Variants in KHDC4 observed in about 807,000 individuals in gnomAD.
KHDC4 encodes the protein KH domain containing 4, pre-mRNA splicing factor.
A neutral mutation model predicts 74.5 loss-of-function variants in KHDC4; 19 were observed. The ratio of observed to expected loss-of-function variants is 0.26; its 90% CI spans 0.18 to 0.37. The LOEUF (loss-of-function observed/expected upper bound fraction) is 0.37. KHDC4 is among the 10% of genes least tolerant of loss of function. KHDC4 has a pLI of 1.00. For missense variants in KHDC4, 632 were observed against 754.1 expected, an observed-to-expected ratio of 0.84 and a Z score of 1.90; for synonymous variants, 253 against 266.1, an observed-to-expected ratio of 0.95 and a Z score of 0.48.
chr1:155,925,752 G>A lies in KHDC4; in HGVS notation c.773C>T (p.Ser258Phe), dbSNP rs760854922. 6.2e-7 allele frequency: 1 copy of A among 1,614,140 alleles called. No homozygotes were observed. The highest frequency in any genetic ancestry group is 1.1e-5 in the South Asian group (1 of 91,082). The part of the protein sequence containing the change: ...VKEKVEGPGC[S>F]YLQHIQIETG... ...TTCAATCTGAATGTGCTGCAAATAG[G>A]AGCAGCCTGGACCTTCCACCTTCTC... Residue 258 changes from serine to phenylalanine, a missense_variant, in exon 7 of 14, where the codon TCC (serine) becomes TTC (phenylalanine). Ser to Phe is a radical substitution (Grantham distance 155). This residue lies in a region of KHDC4 where 233 missense variants were observed against 342.6 expected (regional missense o/e 0.68). Coordinates refer to ENST00000368321, the MANE Select transcript of KHDC4 (RefSeq NM_014949.4).
At chr1:155,919,728 G>A (rs1053315593) in intron 10 of KHDC4, among the ~76,000 whole-genome samples, 9 of 151,946 alleles carry the variant, frequency 5.9e-5, no homozygotes, top group African/African-American at 1.7e-4. Context: ...GGAGAATCGC[G>A]TGAACCTGGG....
intron 8 of KHDC4, 38 bp downstream of exon 8, chr1:155,923,589 T>C (rs757686837): frequency 3.5e-5 from 53 of 1,494,822 alleles, no homozygotes; most frequent in East Asian, 2.3e-4. Context: ...AAAATGGCAA[T>C]TGCTCTTCTG....
intron 2 of KHDC4, among the ~76,000 whole-genome samples, chr1:155,930,639 T>C (rs981435318): frequency 7.9e-5 from 12 of 152,196 alleles, no homozygotes; most frequent in African/African-American, 2.2e-4. Context: ...GTGCCACTCC[T>C]ATAATCCTAA....
chr1:155,933,917 C>G (rs1221017934), intron 1 of KHDC4, 68 bp from the exon 2 acceptor site: 2 of 1,233,868 alleles, frequency 1.6e-6, no homozygotes, highest in Non-Finnish European at 2.2e-6. Flanking sequence ...CCTTACTACG[C>G]CTTAGCACCC....
chr1:155,927,819 AAAAAAAAAAAAAC>A (rs1674040554), intron 4 of KHDC4, among the ~76,000 whole-genome samples: 1 of 104,272 alleles, frequency 9.6e-6, no homozygotes, highest in Non-Finnish European at 1.9e-5. Flanking sequence ...AAAAAAAAAA[AAAAAAAAAAAAAC>A]CACACACACA....
Position 155,914,125 on chromosome 1 carries a change from G to A in KHDC4, c.1841C>T (p.Pro614Leu). 2 of 1,613,568 alleles carry A rather than the reference G, an allele frequency of 1.2e-6. No homozygotes were observed. Among genetic ancestry groups the A allele is most frequent in the Non-Finnish European group, 1.7e-6 (2 of 1,179,500 alleles). Residue 614 changes from proline (P) to leucine (L), a missense_variant, in exon 14 of 14, where the codon CCC becomes CTC. Coordinates refer to ENST00000368321, the MANE Select transcript of KHDC4 (RefSeq NM_014949.4). Reference protein sequence around the residue: ...AKQQMPFWMAP With the variant: ...AKQQMPFWMAL ...AAAACTCTGTTCCACTGTTTCCTAG[G>A]GAGCCATCCAGAATGGCATCTGTTG...
At position 155,913,699 on chromosome 1, in the gene KHDC4, TAGTA is replaced by T. The variant is rs1191914139; in HGVS notation, c.*418_*421del. 6.2e-6 allele frequency: 1 copy of T among 160,536 alleles called. No homozygotes were observed. Among genetic ancestry groups the T allele is most frequent in the Non-Finnish European group, 1.4e-5 (1 of 72,864 alleles). 9.9% of individuals were successfully genotyped at this position (160,536 alleles called of 1,614,324 possible). A position where few individuals can be genotyped will look rare whatever the true frequency, so the allele number is the denominator to read the frequency against. ...TTAAAATCATTTCCCCACTAATAAA[TAGTA>T]AGGCTCTGTTTGTAACCAGTTATAT... On this transcript the variant is annotated 3_prime_UTR_variant, in exon 14 of 14. Transcript: ENST00000368321.
At position 155,921,844 on chromosome 1, in the gene KHDC4, C is replaced by T; in HGVS notation, c.1012+17G>A. The T allele has an allele frequency of 6.3e-7, 1 of 1,582,748 alleles. No individual in the cohort carries two copies. The highest frequency in any genetic ancestry group is 8.7e-7 in the Non-Finnish European group (1 of 1,154,098). On this transcript the variant is annotated intron_variant, in intron 9 of 13. Transcript: ENST00000368321. ...TCACTAGCAAAATATTTTTTAAACA[C>T]TTCAAGATGTACACACCTGGTAAAG...
At chr1:155,930,142 A>C (rs1674110852) in intron 2 of KHDC4, among the ~76,000 whole-genome samples, 1 of 152,054 alleles carries the variant, frequency 6.6e-6, no homozygotes, top group South Asian at 2.1e-4. Context: ...CGAACTCCTG[A>C]CCTCAGGTGA....
chr1:155,929,198 C>A, intron 4 of KHDC4, 98 bp downstream of exon 4: 1 of 834,238 alleles, frequency 1.2e-6, no homozygotes, highest in South Asian at 1.5e-5. Context: ...AACCTTGAAT[C>A]AAATATTGTG....
In KHDC4 at chr1:155,929,852, A is replaced by C. The variant is rs759691648; in HGVS notation, c.256-12T>G. ...CCAGGAGCCTGAAGCTAGAAAAAAG[A>C]GAAATTAGATTAAAAAGTTTTTATG... On this transcript the variant is annotated splice_polypyrimidine_tract_variant and intron_variant, in intron 2 of 13. Coordinates refer to ENST00000368321, the MANE Select transcript of KHDC4 (RefSeq NM_014949.4). 4.5e-6 allele frequency: 7 copies of C among 1,547,840 alleles called. No homozygotes were observed. The highest frequency in any genetic ancestry group is 5.2e-6 in the Non-Finnish European group (6 of 1,152,894).
intron 8 of KHDC4, among the ~76,000 whole-genome samples, chr1:155,922,659 A>G (rs569838524): frequency 2.6e-5 from 4 of 152,254 alleles, no homozygotes; most frequent in African/African-American, 9.6e-5. Context: ...TTCCTCAAGG[A>G]GCTCACATTT....
rs747987997 is a variant in KHDC4 at position 155,933,626 on chromosome 1, C to G, written c.255+7G>C. 2.5e-6 allele frequency: 4 copies of G among 1,592,846 alleles called. No homozygotes were observed. The highest frequency in any genetic ancestry group is 3.4e-6 in the Non-Finnish European group (4 of 1,163,688). ...GCAATTAGTGGAGACCCTTCAACTT[C>G]AAATACCTTCTCAGAAGCATTCTGA... On this transcript the variant is annotated splice_region_variant and intron_variant, in intron 2 of 13. Transcript: ENST00000368321.
At chr1:155,919,918 A>G (rs1572006292) in intron 10 of KHDC4, 1 of 485,364 alleles carries the variant, frequency 2.1e-6, no homozygotes, top group South Asian at 1.5e-5. Flanking sequence ...ACACTGTGCA[A>G]CCCCCTTCAG....
chr1:155,928,231 G>A (rs1160340313), intron 4 of KHDC4, among the ~76,000 whole-genome samples: 4 of 152,016 alleles, frequency 2.6e-5, no homozygotes, highest in South Asian at 2.1e-4. Context: ...AAATTTAGCC[G>A]GGTGTGGTGG....
At chr1:155,924,037 G>A (rs539619113) in intron 7 of KHDC4, among the ~76,000 whole-genome samples, 3 of 151,962 alleles carry the variant, frequency 2.0e-5, no homozygotes, top group Admixed American at 6.5e-5. Context: ...CTTTTTTTTG[G>A]CCGGGCGTGG....
In KHDC4 at chr1:155,917,650, A is replaced by G; in HGVS notation, c.1289T>C (p.Ile430Thr). Residue 430 changes from isoleucine (I) to threonine (T), a missense_variant, in exon 11 of 14, where the codon ATT becomes ACT. Coordinates refer to ENST00000368321, the MANE Select transcript of KHDC4 (RefSeq NM_014949.4). ...GGCAGTTTTGACAGGAGCAGCAGGA[A>G]TAAAAGGACCACCCATCGGACTCTG... ...TGQSPMGGPFIPAAPVKTALP... is the reference protein window; with the variant it reads ...TGQSPMGGPFTPAAPVKTALP... The G allele has an allele frequency of 1.3e-6, 2 of 1,579,342 alleles. No homozygotes were observed. Among genetic ancestry groups the G allele is most frequent in the Non-Finnish European group, 1.7e-6 (2 of 1,166,014 alleles).
intron 13 of KHDC4, chr1:155,914,931 C>T (rs1055845922): frequency 6.6e-6 from 1 of 152,346 alleles, no homozygotes; most frequent in African/African-American, 2.4e-5. Flanking sequence ...TGACCTACCA[C>T]TCATTACTAT....
Position 155,921,571 on chromosome 1 carries a change from G to T in KHDC4, c.1070C>A (p.Ser357Tyr). The T allele has an allele frequency of 6.2e-7, 1 of 1,614,100 alleles. No homozygotes were observed. Among genetic ancestry groups the T allele is most frequent in the Non-Finnish European group, 8.5e-7 (1 of 1,179,964 alleles). Reference sequence around the variant, plus strand: ...AGGGTAACCAGACTGATAGCCATTGGATGGATAATATGGTGGTTGAGGAGG... The same window carrying T: ...AGGGTAACCAGACTGATAGCCATTGTATGGATAATATGGTGGTTGAGGAGG... ...SVPPQPPYYP[S>Y]NGYQSGYPVV... The change falls in exon 10 of 14, where the codon TCC (serine) becomes TAC (tyrosine). Residue 357 changes from serine (S) to tyrosine (Y), a missense_variant. By Grantham distance (144) the Ser-to-Tyr change is moderately radical. This residue lies in a region of KHDC4 where 254 missense variants were observed against 267.4 expected (regional missense o/e 0.95). Transcript: ENST00000368321.
Sources: allele counts gnomAD v4.1 joint callset (sites outside exome capture counted in the v4.1 genomes callset), GRCh38; gene constraint gnomAD v4.1.1; regional missense constraint gnomAD v4.1.1; transcripts MANE v1.5; gene names NCBI Gene and HGNC (gene_info 2026-07-23, HGNC 2026-07-21).